CDK14: variants seen among roughly 807,000 people sequenced by gnomAD.
CDK14 encodes the protein cyclin-dependent kinase 14.
CDK14 carries 34 observed loss-of-function variants against 60.7 expected under a neutral mutation model. The observed-to-expected ratio is 0.56, with a 90% confidence interval of 0.43 to 0.75. The LOEUF (loss-of-function observed/expected upper bound fraction) is 0.75. Ranked by LOEUF, CDK14 falls within the 30% of genes least tolerant of loss-of-function variation. CDK14 has a pLI of 0.00. For missense variants in CDK14, 482 were observed against 564.1 expected, an observed-to-expected ratio of 0.85 and a Z score of 1.47; for synonymous variants, 197 against 203.7, an observed-to-expected ratio of 0.97 and a Z score of 0.28.
intron 2 of CDK14, among the ~76,000 whole-genome samples, chr7:90,638,759 C>T (rs9768405): frequency 1.3e-5 from 2 of 152,132 alleles, no homozygotes; most frequent in Admixed American, 6.5e-5. Context: ...TCGTCACTTT[C>T]AGGTACACCA....
chr7:90,603,784 C>T (rs1436900269), intron 1 of CDK14, among the ~76,000 whole-genome samples: 2 of 152,232 alleles, frequency 1.3e-5, no homozygotes, highest in Non-Finnish European at 2.9e-5. Context: ...ACTTACACTT[C>T]ACTTAGTATG....
chr7:91,033,560 G>A (rs1796827041), intron 10 of CDK14, among the ~76,000 whole-genome samples: 1 of 152,204 alleles, frequency 6.6e-6, no homozygotes, highest in South Asian at 2.1e-4. Context: ...AGTGGGACCT[G>A]AGCTTCTGCA....
At chr7:90,851,520 C>T (rs774851631) in intron 5 of CDK14, among the ~76,000 whole-genome samples, 2 of 152,082 alleles carry the variant, frequency 1.3e-5, no homozygotes, top group African/African-American at 2.4e-5. Context: ...TATGGAAAGG[C>T]AGGTTGTATG....
At chr7:91,057,373 G>C (rs1182433018) in intron 11 of CDK14, among the ~76,000 whole-genome samples, 1 of 151,506 alleles carries the variant, frequency 6.6e-6, no homozygotes, top group East Asian at 1.9e-4. Flanking sequence ...CACTCTGATG[G>C]GAGTTTCTTT....
At chr7:90,736,358 T>TG (rs1283878157) in intron 3 of CDK14, among the ~76,000 whole-genome samples, 2 of 146,680 alleles carry the variant, frequency 1.4e-5, no homozygotes, top group Admixed American at 1.4e-4. Context: ...TTGTTTTTTT[T>TG]TTTTTTTTTT....
intron 5 of CDK14, among the ~76,000 whole-genome samples, chr7:90,861,337 A>G (rs1377125272): frequency 1.3e-5 from 2 of 152,176 alleles, no homozygotes; most frequent in Admixed American, 6.5e-5. Context: ...AGAACAAATA[A>G]AAACAGACAA....
At chr7:91,134,682 T>C (rs1370090788) in intron 14 of CDK14, among the ~76,000 whole-genome samples, 2 of 152,014 alleles carry the variant, frequency 1.3e-5, no homozygotes, top group Non-Finnish European at 2.9e-5. Flanking sequence ...GAGACCAGAG[T>C]AGCCAACATG....
intron 4 of CDK14, among the ~76,000 whole-genome samples, chr7:90,785,957 C>T (rs1014646659): frequency 6.6e-6 from 1 of 152,176 alleles, no homozygotes; most frequent in African/African-American, 2.4e-5. Flanking sequence ...GATCCCCTTT[C>T]AGCCTGGCTC....
rs142300031 is a variant in CDK14 at position 90,952,545 on chromosome 7, C to T, written c.827-3152C>T. ...TGTCAACACTGTAAAGTTGGATACA[C>T]TGAATTTTATGCAAGCCATTTTAGG... On this transcript the variant is annotated intron_variant, in intron 8 of 14. Coordinates refer to ENST00000380050, the MANE Select transcript of CDK14 (RefSeq NM_001287135.2). Among the ~76,000 whole-genome samples the T allele has an allele frequency of 3.1e-3, 465 of 152,252 alleles. 4 individuals are homozygous for T. Among genetic ancestry groups the T allele is most frequent in the African/African-American group, 0.011 (443 of 41,558 alleles).
chr7:90,723,427 AGTC>A (rs1802527424), intron 2 of CDK14, among the ~76,000 whole-genome samples: 3 of 152,108 alleles, frequency 2.0e-5, no homozygotes. Flanking sequence ...TGCAGGCCCT[AGTC>A]TTTCTGCACA....
At chr7:90,747,150 A>G (rs1385593121) in intron 3 of CDK14, among the ~76,000 whole-genome samples, 1 of 152,222 alleles carries the variant, frequency 6.6e-6, no homozygotes, top group African/African-American at 2.4e-5. Flanking sequence ...TTCACATATC[A>G]TGAAACTTTA....
chr7:91,060,213 G>A (rs1562887382), intron 11 of CDK14, among the ~76,000 whole-genome samples: 2 of 150,512 alleles, frequency 1.3e-5, no homozygotes, highest in South Asian at 4.2e-4. Flanking sequence ...CCGAGGCTAG[G>A]ATTGCAACCC....
chr7:90,967,364 T>G (rs911950679), intron 9 of CDK14, among the ~76,000 whole-genome samples: 1 of 152,160 alleles, frequency 6.6e-6, no homozygotes, highest in African/African-American at 2.4e-5. Flanking sequence ...CTTTTGTTGA[T>G]TATTTAATAT....
chr7:91,016,864 A>G (rs768587077), intron 10 of CDK14, among the ~76,000 whole-genome samples: 2 of 152,218 alleles, frequency 1.3e-5, no homozygotes, highest in African/African-American at 4.8e-5. Flanking sequence ...CGCATACACC[A>G]GTGAAGGCAC....
chr7:91,047,784 T>G (rs1797282535), intron 11 of CDK14, among the ~76,000 whole-genome samples: 1 of 152,148 alleles, frequency 6.6e-6, no homozygotes, highest in Non-Finnish European at 1.5e-5. Context: ...TTTCCTGAGT[T>G]TGCTTGAGAG....
chr7:90,924,703 A>AT (rs890440297), intron 8 of CDK14, among the ~76,000 whole-genome samples: 10 of 150,034 alleles, frequency 6.7e-5, no homozygotes, highest in Admixed American at 2.7e-4. Flanking sequence ...CTGGTTAGAC[A>AT]TTTTTTTTTT....
intron 2 of CDK14, among the ~76,000 whole-genome samples, chr7:90,660,268 A>G (rs553991961): frequency 6.6e-6 from 1 of 152,266 alleles, no homozygotes; most frequent in South Asian, 2.1e-4. Flanking sequence ...ACAATTTGCT[A>G]AATCAAATAC....
chr7:90,632,791 G>T (rs1800032525), intron 2 of CDK14, among the ~76,000 whole-genome samples: 1 of 152,120 alleles, frequency 6.6e-6, no homozygotes, highest in Admixed American at 6.6e-5. Flanking sequence ...GAAACATTGT[G>T]AAAATTTGTC....
At chr7:90,995,347 G>T (rs1183257980) in intron 10 of CDK14, among the ~76,000 whole-genome samples, 2 of 152,148 alleles carry the variant, frequency 1.3e-5, no homozygotes, top group Non-Finnish European at 2.9e-5. Context: ...AGAAGTGGAT[G>T]CCTCCCCAGA....
Sources: allele counts gnomAD v4.1 joint callset (sites outside exome capture counted in the v4.1 genomes callset), GRCh38; gene constraint gnomAD v4.1.1; transcripts MANE v1.5; gene names NCBI Gene and HGNC (gene_info 2026-07-23, HGNC 2026-07-21).